The following GRM1 variants were observed in gnomAD, a reference collection of about 807,000 sequenced individuals.
GRM1 encodes metabotropic glutamate receptor 1.
In GRM1, 33 loss-of-function variants were observed where a neutral mutation model predicts 90.9. The observed-to-expected ratio is 0.36, with a 90% CI of 0.28 to 0.49. GRM1 has a LOEUF of 0.49. GRM1 is among the 20% of genes least tolerant of loss of function. The pLI, the probability that GRM1 is intolerant of heterozygous loss-of-function variation, is 0.99. For synonymous variants in GRM1, 700 were observed against 613.2 expected, an observed-to-expected ratio of 1.14 and a Z score of -2.09; for missense variants, 1,190 against 1,534.3, an observed-to-expected ratio of 0.78 and a Z score of 3.75.
intron 3 of GRM1, among the ~76,000 whole-genome samples, chr6:146,326,204 G>C (rs1784394650): frequency 6.6e-6 from 1 of 152,140 alleles, no homozygotes; most frequent in South Asian, 2.1e-4. Flanking sequence ...GCCCATTAAA[G>C]ATAGATTGCA....
intron 2 of GRM1, among the ~76,000 whole-genome samples, chr6:146,188,022 T>C (rs1355897166): frequency 6.6e-6 from 1 of 152,166 alleles, no homozygotes; most frequent in Non-Finnish European, 1.5e-5. Flanking sequence ...TTTTTAAAAC[T>C]AAGGTTCATT....
chr6:146,424,993 AG>A (rs1302536492), intron 7 of GRM1, among the ~76,000 whole-genome samples: 2 of 152,194 alleles, frequency 1.3e-5, no homozygotes, highest in African/African-American at 4.8e-5. Flanking sequence ...TACCTTGATA[AG>A]TTTGATAGCA....
Position 146,362,401 on chromosome 6 carries a change from C to T in GRM1, c.1602+4707C>T, listed in dbSNP as rs148616861. 7.9e-4 allele frequency among the ~76,000 whole-genome samples: 120 copies of T among 152,120 alleles called. 1 individual carries two copies. The highest frequency in any genetic ancestry group is 2.6e-3 in the African/African-American group (106 of 41,530). ...CATTTATGAAATAAGACATTCCGGC[C>T]GGGTGCGGTGGCTCACGCCTGTAAT... On this transcript the variant is annotated intron_variant, in intron 5 of 7. Coordinates refer to ENST00000282753, the MANE Select transcript of GRM1 (RefSeq NM_001278064.2).
chr6:146,266,741 C>T (rs920238042), intron 2 of GRM1, among the ~76,000 whole-genome samples: 23 of 152,226 alleles, frequency 1.5e-4, no homozygotes, highest in African/African-American at 4.8e-4. Context: ...CGCGTGCTAA[C>T]GAAGGGCTCT....
chr6:146,368,927 G>A (rs978095812), intron 5 of GRM1, among the ~76,000 whole-genome samples: 5 of 151,808 alleles, frequency 3.3e-5, no homozygotes, highest in African/African-American at 1.2e-4. Flanking sequence ...AATTAATACT[G>A]GTCTTCTTTA....
chr6:146,435,813 C>T lies in GRM1; in HGVS notation c.*1017C>T, dbSNP rs979884248. On this transcript the variant is annotated 3_prime_UTR_variant, in exon 8 of 8. Coordinates refer to ENST00000282753, the MANE Select transcript of GRM1 (RefSeq NM_001278064.2). The stretch of plus-strand genomic sequence containing the variant: ...CATGTGACAAAATTGTTACCTTCCA[C>T]TTACTGTAGCAAATAATACCTACAA... The T allele has an allele frequency of 2.6e-5, 4 of 152,632 alleles. No individual in the cohort carries two copies. The highest frequency in any genetic ancestry group is 9.7e-5 in the African/African-American group (4 of 41,448). 9.5% of individuals were successfully genotyped at this position (152,632 alleles called of 1,614,324 possible).
chr6:146,090,332 A>G (rs1174614621), intron 1 of GRM1, among the ~76,000 whole-genome samples: 1 of 152,110 alleles, frequency 6.6e-6, no homozygotes, highest in Non-Finnish European at 1.5e-5. Context: ...AGGAAATGCA[A>G]TTTGGGGCAG....
intron 1 of GRM1, among the ~76,000 whole-genome samples, chr6:146,153,715 G>A (rs867059554): frequency 6.6e-6 from 1 of 152,118 alleles, no homozygotes; most frequent in Non-Finnish European, 1.5e-5. Flanking sequence ...GTTGATCTGT[G>A]CAGCAAACCA....
intron 6 of GRM1, among the ~76,000 whole-genome samples, chr6:146,389,410 A>T (rs111309187): frequency 9.8e-5 from 12 of 122,986 alleles, no homozygotes; most frequent in South Asian, 2.6e-4. Context: ...AAACACTAAG[A>T]TAAAAAAGCT....
intron 2 of GRM1, among the ~76,000 whole-genome samples, chr6:146,183,084 A>G (rs1356144031): frequency 6.6e-6 from 1 of 152,078 alleles, no homozygotes; most frequent in African/African-American, 2.4e-5. Context: ...GCTCCTTCAC[A>G]TTTGTCATTC....
At chr6:146,349,062 T>TTATTAC (rs1785285737) in intron 3 of GRM1, among the ~76,000 whole-genome samples, 1 of 147,592 alleles carries the variant, frequency 6.8e-6, no homozygotes, top group African/African-American at 2.5e-5. Context: ...ATTATTATTA[T>TTATTAC]TATTATTATT....
rs751238811 is a variant in GRM1 at position 146,434,829 on chromosome 6, G to A, written c.*33G>A. On this transcript the variant is annotated 3_prime_UTR_variant, in exon 8 of 8. Coordinates refer to ENST00000282753, the MANE Select transcript of GRM1 (RefSeq NM_001278064.2). ...GGGTCCACATAGAAAAGCAAGACAA[G>A]CCAGAGATCTCCCACACCTCCAGAG... 6.5e-6 allele frequency: 10 copies of A among 1,543,280 alleles called. No homozygotes were observed. In the South Asian group the frequency reaches 1.0e-4, roughly 15 times the overall value.
chr6:146,225,246 G>A (rs1780199094), intron 2 of GRM1, among the ~76,000 whole-genome samples: 1 of 152,116 alleles, frequency 6.6e-6, no homozygotes, highest in African/African-American at 2.4e-5. Context: ...TTACCTATGA[G>A]ATGTCTCAGA....
intron 6 of GRM1, among the ~76,000 whole-genome samples, chr6:146,397,122 T>C (rs1212822881): frequency 6.6e-6 from 1 of 152,146 alleles, no homozygotes; most frequent in Non-Finnish European, 1.5e-5. Context: ...GTCTTCAAAA[T>C]TATCTTGGTG....
intron 3 of GRM1, among the ~76,000 whole-genome samples, chr6:146,333,799 C>G (rs1784668250): frequency 6.6e-6 from 1 of 151,754 alleles, no homozygotes; most frequent in Non-Finnish European, 1.5e-5. Flanking sequence ...AAAACCTGGA[C>G]CTAGAAAGGT....
intron 6 of GRM1, among the ~76,000 whole-genome samples, chr6:146,390,848 T>C (rs750852292): frequency 1.3e-5 from 2 of 152,050 alleles, no homozygotes; most frequent in Non-Finnish European, 2.9e-5. Flanking sequence ...AATAGAGTTA[T>C]GGGTAAAATG....
intron 7 of GRM1, among the ~76,000 whole-genome samples, chr6:146,410,315 A>C (rs945495672): frequency 6.6e-6 from 1 of 152,202 alleles, no homozygotes. Context: ...TTTATTGGTA[A>C]AGAAAATAGC....
intron 3 of GRM1, among the ~76,000 whole-genome samples, chr6:146,324,774 GTGA>G (rs1349128071): frequency 1.3e-5 from 2 of 152,198 alleles, no homozygotes; most frequent in African/African-American, 4.8e-5. Context: ...ACCAGCCCCA[GTGA>G]GATGAGCCAG....
intron 1 of GRM1, among the ~76,000 whole-genome samples, chr6:146,094,564 C>T (rs1776815684): frequency 6.6e-6 from 1 of 152,124 alleles, no homozygotes; most frequent in Non-Finnish European, 1.5e-5. Context: ...GAATTTTAAA[C>T]AACTTCCTTA....
Sources: gnomAD v4.1 joint callset for allele counts (sites outside exome capture counted in the v4.1 genomes callset) on GRCh38, gnomAD v4.1.1 for gene constraint, MANE v1.5 for transcripts, NCBI Gene and HGNC (gene_info 2026-07-23, HGNC 2026-07-21) for gene names.